DIP2C: variants seen among roughly 807,000 people sequenced by gnomAD.
DIP2C encodes the protein disco-interacting protein 2 homolog C.
DIP2C carries 33 observed loss-of-function variants against 192.4 expected under a neutral mutation model. That is an observed-to-expected ratio of 0.17 (90% confidence interval 0.13 to 0.23). The LOEUF is 0.23. DIP2C is among the 10% of genes least tolerant of loss of function. DIP2C has a pLI of 1.00. For missense variants in DIP2C, 1,537 were observed against 2,110.1 expected, an observed-to-expected ratio of 0.73 and a Z score of 5.32; for synonymous variants, 979 against 864.1, an observed-to-expected ratio of 1.13 and a Z score of -2.33.
intron 1 of DIP2C, among the ~76,000 whole-genome samples, chr10:604,793 G>C (rs1852349059): frequency 6.6e-6 from 1 of 152,162 alleles, no homozygotes; most frequent in Admixed American, 6.5e-5. Flanking sequence ...CCTATGACTT[G>C]GATAAGCATG....
chr10:448,589 C>T (rs1423854075), intron 3 of DIP2C, among the ~76,000 whole-genome samples: 1 of 132,700 alleles, frequency 7.5e-6, no homozygotes, highest in Non-Finnish European at 1.6e-5. Context: ...CAGGATCACA[C>T]ACAGTGGGGC....
At chr10:568,844 C>T (rs1452862252) in intron 1 of DIP2C, among the ~76,000 whole-genome samples, 1 of 138,482 alleles carries the variant, frequency 7.2e-6, no homozygotes, top group Non-Finnish European at 1.5e-5. Context: ...CTGATCGTTT[C>T]TGCAAATGTC....
chr10:344,400 G>A (rs945545011), intron 28 of DIP2C, among the ~76,000 whole-genome samples: 12 of 13,102 alleles, frequency 9.2e-4, no homozygotes, highest in East Asian at 7.4e-3. Context: ...GGGGCGGGGC[G>A]GGGGGGGGTT....
intron 31 of DIP2C, among the ~76,000 whole-genome samples, chr10:316,554 C>T (rs1441739310): frequency 1.3e-5 from 2 of 152,328 alleles, no homozygotes; most frequent in East Asian, 3.9e-4. Context: ...ATGTGCTATG[C>T]CCTCATCCCA....
At chr10:469,564 G>A (rs1970469761) in intron 3 of DIP2C, among the ~76,000 whole-genome samples, 1 of 151,998 alleles carries the variant, frequency 6.6e-6, no homozygotes, top group South Asian at 2.1e-4. Context: ...TGATCTGCCC[G>A]CCTCGGCCTC....
chr10:662,692 G>C (rs1024476813), intron 1 of DIP2C: 3 of 551,154 alleles, frequency 5.4e-6, no homozygotes, highest in Non-Finnish European at 9.9e-6. Flanking sequence ...TATCAAATTA[G>C]GTATGGGCAG....
At chr10:386,005 G>C (rs1415707151) in intron 14 of DIP2C, among the ~76,000 whole-genome samples, 2 of 152,180 alleles carry the variant, frequency 1.3e-5, no homozygotes, top group African/African-American at 4.8e-5. Flanking sequence ...GCACCTGCCA[G>C]GGCTGCCAGC....
chr10:537,793 AT>A (rs11290099), intron 1 of DIP2C, among the ~76,000 whole-genome samples: 29,160 of 148,484 alleles, frequency 0.2, 4,536 homozygotes, highest in African/African-American at 0.44. Flanking sequence ...TCGTCTGCGA[AT>A]TTTTTTTTTT....
chr10:652,959 G>A lies in DIP2C; in HGVS notation c.85+36535C>T, dbSNP rs76426311. On this transcript the variant is annotated intron_variant, in intron 1 of 36. Transcript: ENST00000280886. The surrounding 1 kb of genome is among the most constrained non-coding windows in gnomAD (Gnocchi z 4.5). The stretch of plus-strand genomic sequence containing the variant: ...CTGAGCCATAAACCCTCGCAAGACT[G>A]TGGGCATCTCAAGGTGCCCCACGTC... 1.4e-3 allele frequency among the ~76,000 whole-genome samples: 219 copies of A among 152,054 alleles called. 2 individuals are homozygous for A. The East Asian group carries it at 0.016, about 11-fold the overall frequency.
At chr10:472,054 T>A (rs776160970) in intron 3 of DIP2C, among the ~76,000 whole-genome samples, 1 of 152,200 alleles carries the variant, frequency 6.6e-6, no homozygotes, top group Non-Finnish European at 1.5e-5. Context: ...CATAACAATG[T>A]ATGGTTTTCA....
rs370147180 is a variant in DIP2C, at chr10:449,781, T to TAAAAAAA, written c.269-8786_269-8785insTTTTTTT. On this transcript the variant is annotated intron_variant, in intron 3 of 36. Transcript: ENST00000280886. ...ATGTACCCTAAAACTTAAAGTATAA[T>TAAAAAAA]TAAAAAAAAAAAAAAAAGAAGTAAA... Among the ~76,000 whole-genome samples, 5 of 128,668 alleles carry TAAAAAAA rather than the reference T, an allele frequency of 3.9e-5. 1 individual carries two copies. Among genetic ancestry groups the TAAAAAAA allele is most frequent in the South Asian group, 4.8e-4 (2 of 4,194 alleles). The allele number at this position is 128,668 out of a possible 152,430, so 84.4% of individuals were successfully genotyped here.
intron 4 of DIP2C, among the ~76,000 whole-genome samples, chr10:429,155 G>A (rs1966777314): frequency 6.6e-6 from 1 of 152,016 alleles, no homozygotes. Flanking sequence ...GTATCATACA[G>A]AGATCACATG....
chr10:605,125 T>G (rs1312550163), intron 1 of DIP2C, among the ~76,000 whole-genome samples: 1 of 152,212 alleles, frequency 6.6e-6, no homozygotes, highest in African/African-American at 2.4e-5. Flanking sequence ...GCTGCCGCGA[T>G]GCCGTGAGCG....
At chr10:480,904 C>T (rs1843554665) in intron 2 of DIP2C, among the ~76,000 whole-genome samples, 1 of 152,188 alleles carries the variant, frequency 6.6e-6, no homozygotes, top group Non-Finnish European at 1.5e-5. Context: ...ATGTCACAGG[C>T]AATGCCATCT....
At chr10:630,429 A>G (rs1250564405) in intron 1 of DIP2C, 1 of 152,264 alleles carries the variant, frequency 6.6e-6, no homozygotes, top group Admixed American at 6.5e-5. Context: ...ATTATAAAAA[A>G]TAAGGTAACA....
At chr10:571,480 A>C (rs1402600976) in intron 1 of DIP2C, among the ~76,000 whole-genome samples, 96 of 115,468 alleles carry the variant, frequency 8.3e-4, no homozygotes, top group East Asian at 1.3e-3. Context: ...CCCCTCCTTC[A>C]CTCCCATTCT....
chr10:358,004 C>T, intron 22 of DIP2C, 67 bp from the exon 23 acceptor site: 1 of 1,255,512 alleles, frequency 8.0e-7, no homozygotes, highest in East Asian at 2.4e-5. Context: ...AGACCTCCCA[C>T]TTTGGTAAAG....
intron 22 of DIP2C, among the ~76,000 whole-genome samples, chr10:358,445 G>C (rs1036281917): frequency 1.3e-5 from 2 of 148,406 alleles, no homozygotes; most frequent in African/African-American, 5.0e-5. Flanking sequence ...ACAGGATAGA[G>C]TCGCTTCTCG....
chr10:389,923 A>T, intron 13 of DIP2C, 68 bp downstream of exon 13: 1 of 1,238,008 alleles, frequency 8.1e-7, no homozygotes, highest in Non-Finnish European at 1.2e-6. Flanking sequence ...CGTGGGAGTG[A>T]TGTGGCCTTC....
Sources: gnomAD v4.1 joint callset for allele counts (sites outside exome capture counted in the v4.1 genomes callset) on GRCh38, gnomAD v4.1.1 for gene constraint, Gnocchi (gnomAD v3.1) non-coding constraint, MANE v1.5 for transcripts, NCBI Gene and HGNC (gene_info 2026-07-23, HGNC 2026-07-21) for gene names.